The following SMAD7 variants were observed in gnomAD, a reference collection of about 807,000 sequenced individuals.
SMAD7 encodes the protein SMAD family member 7, also known as MAD (mothers against decapentaplegic, Drosophila) homolog 7.
SMAD7 carries 8 observed loss-of-function variants against 38.7 expected under a neutral mutation model. That is an observed-to-expected ratio of 0.21 (90% confidence interval 0.12 to 0.37). The LOEUF (loss-of-function observed/expected upper bound fraction) is 0.37, where lower values mean the gene tolerates loss of function less well. Among genes scored for constraint, SMAD7 ranks in the 10% least tolerant of loss-of-function variants. SMAD7 has a pLI of 1.00. For missense variants in SMAD7, 477 were observed against 577.9 expected (o/e 0.83, Z 1.79); for synonymous variants, 327 against 265.1 (o/e 1.23, Z -2.27).
intron 2 of SMAD7, chr18:48,942,911 T>C (rs1383654003): frequency 4.9e-6 from 2 of 409,598 alleles, no homozygotes; most frequent in Non-Finnish European, 7.2e-6. Flanking sequence ...GGTTGCTCTG[T>C]CATCCCTCAT....
chr18:48,936,954 G>A (rs970841409), intron 3 of SMAD7, among the ~76,000 whole-genome samples: 1 of 151,938 alleles, frequency 6.6e-6, no homozygotes, highest in African/African-American at 2.4e-5. Flanking sequence ...GGTGGTGCAC[G>A]CCTGCAATCC....
chr18:48,931,082 G>A (rs1022486669), intron 3 of SMAD7, among the ~76,000 whole-genome samples: 38 of 152,310 alleles, frequency 2.5e-4, no homozygotes, highest in African/African-American at 8.9e-4. Context: ...AACACTGTCT[G>A]ATTCCACTAT....
chr18:48,948,542 G>T, intron 1 of SMAD7, 105 bp from the exon 2 acceptor site: 1 of 797,014 alleles, frequency 1.3e-6, no homozygotes, highest in Non-Finnish European at 2.0e-6. Context: ...TGTCTTAGCT[G>T]TGGGGGTTGG....
chr18:48,931,980 C>CA lies in SMAD7; in HGVS notation c.743-10071_743-10070insT, dbSNP rs1555716452. 1.0e-4 allele frequency among the ~76,000 whole-genome samples: 6 copies of CA among 57,616 alleles called. No individual in the cohort carries two copies. The African/African-American group carries it at 1.3e-3, about 13-fold the overall frequency. 37.8% of individuals were successfully genotyped at this position (57,616 alleles called of 152,430 possible). A position where few individuals can be genotyped will look rare whatever the true frequency, so the allele number is the denominator to read the frequency against. ...TCCTGGGCTCTTCCCCAGAAAACAG[C>CA]CCCCCCAGCAGGGTTTTGATTGTGC... On this transcript the variant is annotated intron_variant, in intron 3 of 3. Transcript: ENST00000262158.
At chr18:48,942,663 A>G (rs773372763) in intron 2 of SMAD7, 108 bp from the exon 3 acceptor site, 121 of 1,592,216 alleles carry the variant, frequency 7.6e-5, no homozygotes, top group Non-Finnish European at 9.5e-5. Flanking sequence ...ACACATTCCA[A>G]AAGGCTGACT....
intron 3 of SMAD7, among the ~76,000 whole-genome samples, chr18:48,935,303 G>A (rs567680353): frequency 2.6e-5 from 4 of 152,314 alleles, no homozygotes; most frequent in Admixed American, 1.3e-4. Flanking sequence ...ATATCTTCCC[G>A]CTGAAAATAG....
Position 48,942,583 on chromosome 18 carries a change from A to G in SMAD7, c.668-28T>C, listed in dbSNP as rs750403969. ...GTGGATTTGAAAAGGGGAGAGAAAG[A>G]AATAAATACACAAATAAAAACACCA... On this transcript the variant is annotated intron_variant, in intron 2 of 3. Transcript: ENST00000262158. 3 of 1,613,634 alleles carry G rather than the reference A, an allele frequency of 1.9e-6. No homozygotes were observed. In the South Asian group the frequency reaches 3.3e-5, roughly 18 times the overall value.
intron 2 of SMAD7, among the ~76,000 whole-genome samples, chr18:48,944,416 G>A (rs1381280518): frequency 6.6e-6 from 1 of 152,228 alleles, no homozygotes; most frequent in East Asian, 1.9e-4. Flanking sequence ...GCAACCACAA[G>A]CATTTTTGTG....
chr18:48,949,294 T>G, intron 1 of SMAD7: 1 of 984,958 alleles, frequency 1.0e-6, no homozygotes, highest in Non-Finnish European at 1.2e-6. Context: ...CACGACAGTA[T>G]CTGGGCCACT....
At chr18:48,922,031 A>G (rs1297913430) in intron 3 of SMAD7, 121 bp from the exon 4 acceptor site, 2 of 777,972 alleles carry the variant, frequency 2.6e-6, no homozygotes, top group Admixed American at 2.9e-5. Flanking sequence ...AGACAGAAAG[A>G]AGGAGGCGGT....
In SMAD7 at chr18:48,921,807, G is replaced by A. The variant is rs142361633; in HGVS notation, c.846C>T (p.Pro282=). The A allele has an allele frequency of 4.3e-6, 7 of 1,613,868 alleles. No homozygotes were observed. The Admixed American group carries it at 6.7e-5, about 15-fold the overall frequency. Residue 282 remains proline (P), a synonymous_variant, in exon 4 of 4, where the codon CCC becomes CCT. Coordinates refer to ENST00000262158, the MANE Select transcript of SMAD7 (RefSeq NM_005904.4). The surrounding 1 kb of genome is among the most constrained non-coding windows in gnomAD (Gnocchi z 6.4). ...GTAGATCATAGAAGATATCCAGAGA[G>A]GGCTCCTGGACACAGTAGAGCCTCC... ...RVGRLYCVQE[P]SLDIFYDLPQ... is the part of the protein sequence containing the mutation.
chr18:48,929,569 T>TCTCTCACACACACACA (rs3082710), intron 3 of SMAD7, among the ~76,000 whole-genome samples: 1,312 of 114,576 alleles, frequency 0.011, 20 homozygotes, highest in South Asian at 0.014. Flanking sequence ...TCTCTCTCTC[T>TCTCTCACACACACACA]CACTCACACA....
intron 2 of SMAD7, among the ~76,000 whole-genome samples, chr18:48,947,542 T>A (rs75728637): frequency 0.02 from 3,039 of 152,328 alleles, 105 homozygotes; most frequent in African/African-American, 0.069. Flanking sequence ...CAAGGTTACA[T>A]ACAACCTGTA....
intron 3 of SMAD7, among the ~76,000 whole-genome samples, chr18:48,927,639 A>C (rs1048853584): frequency 1.3e-5 from 2 of 152,208 alleles, no homozygotes; most frequent in Non-Finnish European, 2.9e-5. Flanking sequence ...AATTTGATGC[A>C]AAAGTGATTG....
At chr18:48,942,134 G>A (rs2070147586) in intron 3 of SMAD7, among the ~76,000 whole-genome samples, 1 of 152,200 alleles carries the variant, frequency 6.6e-6, no homozygotes, top group Non-Finnish European at 1.5e-5. Flanking sequence ...AGCAAAAAAA[G>A]AGCTCAAATG....
In SMAD7 at chr18:48,950,493, G is replaced by A. The variant is rs949039271; in HGVS notation, c.-69C>T. 29 of 1,423,952 alleles carry A rather than the reference G, an allele frequency of 2.0e-5. No homozygotes were observed. The Admixed American group carries it at 2.8e-4, about 14-fold the overall frequency. 88.2% of individuals were successfully genotyped at this position (1,423,952 alleles called of 1,614,324 possible). A position where few individuals can be genotyped will look rare whatever the true frequency, so the allele number is the denominator to read the frequency against. ...AGCGAACATGACCTCCGCACACCAT[G>A]AAGAAGTCGGGCGCCGAGTTGGGGC... is the stretch of plus-strand genomic sequence containing the variant. On this transcript the variant is annotated 5_prime_UTR_variant, in exon 1 of 4. Transcript: ENST00000262158.
At chr18:48,943,986 G>A (rs1261242864) in intron 2 of SMAD7, among the ~76,000 whole-genome samples, 1 of 152,164 alleles carries the variant, frequency 6.6e-6, no homozygotes, top group East Asian at 1.9e-4. Flanking sequence ...GCTGCGGTGG[G>A]TAGGGGGAAA....
At position 48,950,461 on chromosome 18, in the gene SMAD7, G is replaced by C. The variant is rs2070251122; in HGVS notation, c.-37C>G. The C allele has an allele frequency of 5.2e-6, 8 of 1,531,444 alleles. No individual in the cohort carries two copies. The highest frequency in any genetic ancestry group is 7.0e-6 in the Non-Finnish European group (8 of 1,140,372). 94.9% of individuals were successfully genotyped at this position (1,531,444 alleles called of 1,614,324 possible). A position where few individuals can be genotyped will look rare whatever the true frequency, so the allele number is the denominator to read the frequency against. ...AGGCGAGGAGAAAAGTCGTTTGCCTGCTAAGGAGCGAACATGACCTCCGCA... is the reference window on the plus strand; with the variant it reads ...AGGCGAGGAGAAAAGTCGTTTGCCTCCTAAGGAGCGAACATGACCTCCGCA... On this transcript the variant is annotated 5_prime_UTR_variant, in exon 1 of 4. Coordinates refer to ENST00000262158, the MANE Select transcript of SMAD7 (RefSeq NM_005904.4).
intron 3 of SMAD7, among the ~76,000 whole-genome samples, chr18:48,928,670 A>G (rs1318210251): frequency 6.6e-6 from 1 of 152,116 alleles, no homozygotes; most frequent in African/African-American, 2.4e-5. Context: ...GGTCTAGAAC[A>G]CTAATTAGTG....
Sources: gnomAD v4.1 joint callset for allele counts (sites outside exome capture counted in the v4.1 genomes callset) on GRCh38, gnomAD v4.1.1 for gene constraint, Gnocchi (gnomAD v3.1) non-coding constraint, MANE v1.5 for transcripts, NCBI Gene and HGNC (gene_info 2026-07-23, HGNC 2026-07-21) for gene names.